Variants in LHX4 observed in about 807,000 individuals in gnomAD.
The protein encoded by LHX4 is LIM/homeobox protein Lhx4.
Under a neutral mutation model 39.2 loss-of-function variants are expected in LHX4, and 16 were observed. The observed-to-expected ratio is 0.41, with a 90% confidence interval of 0.28 to 0.62. LHX4 has a LOEUF of 0.62. Ranked by LOEUF, LHX4 falls within the 20% of genes least tolerant of loss-of-function variation. LHX4 has a pLI of 0.33. For synonymous variants in LHX4, 206 were observed against 198.1 expected, an observed-to-expected ratio of 1.04 and a Z score of -0.33; for missense variants, 439 against 511.9, an observed-to-expected ratio of 0.86 and a Z score of 1.37.
At chr1:180,259,371 C>G (rs1382404410) in intron 2 of LHX4, among the ~76,000 whole-genome samples, 5 of 149,216 alleles carry the variant, frequency 3.4e-5, no homozygotes, top group African/African-American at 1.3e-4. Context: ...GCTAATGACA[C>G]AGAAGGCAAA....
chr1:180,228,870 C>A (rs1463137320), upstream of LHX4, among the ~76,000 whole-genome samples: 4 of 152,186 alleles, frequency 2.6e-5, no homozygotes, highest in Non-Finnish European at 5.9e-5. Flanking sequence ...GGCACACAGT[C>A]CCCCTTCCCG....
Position 180,274,281 on chromosome 1 carries a change from T to C in LHX4, c.875T>C (p.Met292Thr), listed in dbSNP as rs780636436. The C allele has an allele frequency of 1.2e-6, 2 of 1,614,228 alleles. No individual in the cohort carries two copies. Among genetic ancestry groups the C allele is most frequent in the South Asian group, 2.2e-5 (2 of 91,088 alleles). ...GGQLMNGSFS[M>T]DGTGQSYQDL... The stretch of plus-strand genomic sequence containing the variant: ...CAGTTAATGAATGGGAGCTTCTCCA[T>C]GGACGGGACAGGACAATCCTATCAG... The change falls in exon 6 of 6, where the codon ATG becomes ACG. Residue 292 changes from methionine to threonine, a missense_variant. By Grantham distance (81) the Met-to-Thr change is moderately conservative. Coordinates refer to ENST00000263726, the MANE Select transcript of LHX4 (RefSeq NM_033343.4).
At chr1:180,252,067 G>A (rs907095605) in intron 2 of LHX4, among the ~76,000 whole-genome samples, 1 of 152,226 alleles carries the variant, frequency 6.6e-6, no homozygotes, top group Non-Finnish European at 1.5e-5. Flanking sequence ...CAGGGAGGCA[G>A]CAGGCTGTCC....
intron 2 of LHX4, among the ~76,000 whole-genome samples, chr1:180,250,276 C>T (rs1352979336): frequency 6.6e-6 from 1 of 151,850 alleles, no homozygotes; most frequent in African/African-American, 2.4e-5. Flanking sequence ...TGGCCAAGCA[C>T]CACAGCAGCT....
rs779102719 is a variant in LHX4, at chr1:180,266,353, C to T, written c.249-39C>T. 5.0e-6 allele frequency: 8 copies of T among 1,607,458 alleles called. No homozygotes were observed. The stretch of plus-strand genomic sequence containing the variant: ...AAGTTGGGGGAAGCCAGATCCCTTG[C>T]TCCCTGTGTGCCCTAATCCTTTCCT... On this transcript the variant is annotated intron_variant, in intron 2 of 5. Transcript: ENST00000263726. This position sits in a 1 kb window ranked among gnomAD's most constrained non-coding sequence, Gnocchi z 5.7.
At position 180,230,714 on chromosome 1, in the gene LHX4, CG is replaced by C. The variant is rs1467934473; in HGVS notation, c.76+113del. 9.4e-7 allele frequency: 1 copy of C among 1,067,370 alleles called. No homozygotes were observed. The highest frequency in any genetic ancestry group is 1.4e-6 in the Non-Finnish European group (1 of 704,822). The allele number at this position is 1,067,370 out of a possible 1,614,324, so 66.1% of individuals were successfully genotyped here. Reference sequence around the variant, plus strand: ...TCAGGGGCCGGGAGGGGCTGGCGGCCGGGGCGCAGAGGCGGTCACAGGGCAG... The same window carrying C: ...TCAGGGGCCGGGAGGGGCTGGCGGCCGGGCGCAGAGGCGGTCACAGGGCAG... On this transcript the variant is annotated intron_variant, in intron 1 of 5. Transcript: ENST00000263726. The surrounding 1 kb of genome is among the most constrained non-coding windows in gnomAD (Gnocchi z 5.8).
Position 180,274,715 on chromosome 1 carries a change from T to G in LHX4, c.*136T>G. On this transcript the variant is annotated 3_prime_UTR_variant, in exon 6 of 6. Coordinates refer to ENST00000263726, the MANE Select transcript of LHX4 (RefSeq NM_033343.4). ...ATTTTCAATGGAAGTCCTCCGCTGA[T>G]TCCTAGAAGGCTGTGAGACCACACT... 9.4e-7 allele frequency: 1 copy of G among 1,067,356 alleles called. No homozygotes were observed. The highest frequency in any genetic ancestry group is 1.3e-6 in the Non-Finnish European group (1 of 750,972). 66.1% of individuals were successfully genotyped at this position (1,067,356 alleles called of 1,614,324 possible).
At chr1:180,244,056 C>T (rs1279891407) in intron 1 of LHX4, among the ~76,000 whole-genome samples, 1 of 152,188 alleles carries the variant, frequency 6.6e-6, no homozygotes, top group South Asian at 2.1e-4. Flanking sequence ...GGCTCAGTTT[C>T]CTCATCTGTA....
Position 180,266,334 on chromosome 1 carries a change from G to T in LHX4, c.249-58G>T. On this transcript the variant is annotated intron_variant, in intron 2 of 5. Transcript: ENST00000263726. This position sits in a 1 kb window ranked among gnomAD's most constrained non-coding sequence, Gnocchi z 5.7. ...GGAGGGAGGCTGCTCCAGGAAGTTGGGGGAAGCCAGATCCCTTGCTCCCTG... is the reference window on the plus strand; with the variant it reads ...GGAGGGAGGCTGCTCCAGGAAGTTGTGGGAAGCCAGATCCCTTGCTCCCTG... 1.3e-6 allele frequency: 2 copies of T among 1,571,700 alleles called. No homozygotes were observed. Among genetic ancestry groups the T allele is most frequent in the Non-Finnish European group, 1.7e-6 (2 of 1,143,716 alleles).
chr1:180,236,811 A>T (rs1402562108), intron 1 of LHX4, among the ~76,000 whole-genome samples: 1 of 152,228 alleles, frequency 6.6e-6, no homozygotes, highest in African/African-American at 2.4e-5. Context: ...AGAGGACAAA[A>T]GGAGTAATAT....
rs1198838941 is a variant in LHX4, at chr1:180,277,006, G to A, written c.*2427G>A. 2 of 152,150 alleles carry A rather than the reference G, an allele frequency of 1.3e-5. No homozygotes were observed. Among genetic ancestry groups the A allele is most frequent in the African/African-American group, 2.4e-5 (1 of 41,414 alleles). The allele number at this position is 152,150 out of a possible 1,614,324, so 9.4% of individuals were successfully genotyped here. Reference sequence around the variant, plus strand: ...TTGAGGAACTCAGTGAGCAGTTGACGAGGTCAATAGTTCTTTGGCATCAGT... The same window carrying A: ...TTGAGGAACTCAGTGAGCAGTTGACAAGGTCAATAGTTCTTTGGCATCAGT... On this transcript the variant is annotated 3_prime_UTR_variant, in exon 6 of 6. Transcript: ENST00000263726.
At chr1:180,273,573 C>G (rs1455394892) in intron 5 of LHX4, 1 of 152,464 alleles carries the variant, frequency 6.6e-6, no homozygotes, top group African/African-American at 2.4e-5. Context: ...TAATGAAATT[C>G]TTTAAGAAAA....
upstream of LHX4, among the ~76,000 whole-genome samples, chr1:180,229,923 G>C (rs1356720346): frequency 6.8e-6 from 1 of 146,410 alleles, no homozygotes; most frequent in Admixed American, 6.7e-5. Flanking sequence ...CCCAGGGCGC[G>C]AGCCCGCCAC....
chr1:180,238,409 T>C (rs1664374138), intron 1 of LHX4, among the ~76,000 whole-genome samples: 1 of 152,190 alleles, frequency 6.6e-6, no homozygotes, highest in Admixed American at 6.5e-5. Context: ...CAAGACAAAC[T>C]AGAAAAAACT....
At chr1:180,267,366 T>C (rs1251814614) in intron 3 of LHX4, among the ~76,000 whole-genome samples, 1 of 152,290 alleles carries the variant, frequency 6.6e-6, no homozygotes, top group Non-Finnish European at 1.5e-5. Flanking sequence ...AAGGCCTAGC[T>C]TGGCCTGGCG....
chr1:180,268,264 C>G (rs2149263985), intron 3 of LHX4, among the ~76,000 whole-genome samples: 1 of 152,280 alleles, frequency 6.6e-6, no homozygotes, highest in Admixed American at 6.5e-5. Context: ...GCACGACCTC[C>G]CCGGCCTGCA....
intron 2 of LHX4, among the ~76,000 whole-genome samples, chr1:180,264,378 A>C (rs1014177820): frequency 2.8e-5 from 4 of 145,302 alleles, no homozygotes; most frequent in Non-Finnish European, 6.1e-5. Flanking sequence ...ACACACACAT[A>C]ACACACACAC....
rs552031299 is a variant in LHX4 at position 180,230,359 on chromosome 1, G to A, written c.-171G>A. 53 of 651,534 alleles carry A rather than the reference G, an allele frequency of 8.1e-5. No homozygotes were observed. Among genetic ancestry groups the A allele is most frequent in the African/African-American group, 6.6e-4 (37 of 56,080 alleles). 40.4% of individuals were successfully genotyped at this position (651,534 alleles called of 1,614,324 possible). On this transcript the variant is annotated 5_prime_UTR_variant, in exon 1 of 6. Transcript: ENST00000263726. The surrounding 1 kb of genome is among the most constrained non-coding windows in gnomAD (Gnocchi z 5.8). Reference sequence around the variant, plus strand: ...AACAGACTGGGGACTGGCGGGGGGAGGGGGCCGGCCAGCCTGTGGAGTCCT... The same window carrying A: ...AACAGACTGGGGACTGGCGGGGGGAAGGGGCCGGCCAGCCTGTGGAGTCCT...
At chr1:180,261,328 A>G (rs1183524403) in intron 2 of LHX4, among the ~76,000 whole-genome samples, 1 of 150,652 alleles carries the variant, frequency 6.6e-6, no homozygotes. Context: ...ATGCCTGTAC[A>G]TGGATGGAAG....
Sources: allele counts gnomAD v4.1 joint callset (sites outside exome capture counted in the v4.1 genomes callset), GRCh38; gene constraint gnomAD v4.1.1; non-coding constraint Gnocchi (gnomAD v3.1); transcripts MANE v1.5; gene names NCBI Gene and HGNC (gene_info 2026-07-23, HGNC 2026-07-21).